Variants in NCKAP5 observed in about 807,000 individuals in gnomAD.
NCKAP5 encodes nck-associated protein 5.
A neutral mutation model predicts 167.0 loss-of-function variants in NCKAP5; 92 were observed. That is an observed-to-expected ratio of 0.55 (90% CI 0.47 to 0.66). NCKAP5 has a LOEUF of 0.66. Among genes scored for constraint, NCKAP5 ranks in the 30% least tolerant of loss-of-function variants. NCKAP5 has a pLI of 0.00. For synonymous variants in NCKAP5, 891 were observed against 877.4 expected, an observed-to-expected ratio of 1.02 and a Z score of -0.27; for missense variants, 2,378 against 2,315.0, an observed-to-expected ratio of 1.03 and a Z score of -0.56.
intron 2 of NCKAP5, among the ~76,000 whole-genome samples, chr2:133,540,956 G>GA (rs963923129): frequency 8.0e-5 from 11 of 137,656 alleles, no homozygotes; most frequent in African/African-American, 2.7e-5. Flanking sequence ...AAAAAAGAAA[G>GA]AAAAAAAATC....
Position 133,517,270 on chromosome 2 carries a change from C to T in NCKAP5, c.69+188G>A, listed in dbSNP as rs549896840. Among the ~76,000 whole-genome samples, 6 of 152,276 alleles carry T rather than the reference C, an allele frequency of 3.9e-5. No individual in the cohort carries two copies. In the East Asian group the frequency reaches 9.6e-4, roughly 24 times the overall value. On this transcript the variant is annotated intron_variant, in intron 3 of 19. Transcript: ENST00000409261. ...GACATTTGCCTATTAAGACACTATA[C>T]AAACATTCCAATAATTTGCTGGCTT...
At chr2:133,002,201 A>C (rs1179651225) in intron 6 of NCKAP5, among the ~76,000 whole-genome samples, 4 of 152,164 alleles carry the variant, frequency 2.6e-5, no homozygotes, top group African/African-American at 9.6e-5. Context: ...GTGATACAGT[A>C]GTCTTCTTAG....
At chr2:132,747,074 A>G (rs1292598574) in intron 16 of NCKAP5, among the ~76,000 whole-genome samples, 2 of 151,994 alleles carry the variant, frequency 1.3e-5, no homozygotes, top group Non-Finnish European at 2.9e-5. Context: ...TACATTTACA[A>G]AAACTTACTG....
intron 5 of NCKAP5, among the ~76,000 whole-genome samples, chr2:133,194,394 G>A (rs530229020): frequency 6.6e-6 from 1 of 151,898 alleles, no homozygotes; most frequent in East Asian, 1.9e-4. Context: ...CCACACATAC[G>A]GTAGGAACAA....
At chr2:132,891,919 T>C (rs1293993255) in intron 8 of NCKAP5, among the ~76,000 whole-genome samples, 1 of 152,180 alleles carries the variant, frequency 6.6e-6, no homozygotes, top group Non-Finnish European at 1.5e-5. Flanking sequence ...TCTGTCACTG[T>C]TTTGGGTTGA....
chr2:132,979,212 A>T (rs2077059702), intron 7 of NCKAP5, among the ~76,000 whole-genome samples: 1 of 152,200 alleles, frequency 6.6e-6, no homozygotes, highest in Non-Finnish European at 1.5e-5. Flanking sequence ...GTTAGCAGGC[A>T]CCACTAACTA....
intron 9 of NCKAP5, among the ~76,000 whole-genome samples, chr2:132,872,755 A>C (rs1473389875): frequency 6.6e-6 from 1 of 152,208 alleles, no homozygotes; most frequent in African/African-American, 2.4e-5. Context: ...TGTGTTTTTG[A>C]AAATGTGCTT....
At chr2:133,654,543 G>T in the NCKAP5 span, among the ~76,000 whole-genome samples, 1 of 152,094 alleles carries the variant, frequency 6.6e-6, no homozygotes, top group African/African-American at 2.4e-5. Context: ...TCCATCCTTT[G>T]GCTCTCTCTG....
intron 18 of NCKAP5, among the ~76,000 whole-genome samples, chr2:132,726,168 C>T (rs1299415364): frequency 6.6e-6 from 1 of 152,176 alleles, no homozygotes. Flanking sequence ...TCATTGCCTT[C>T]CAAGTATCAG....
chr2:133,538,160 C>A (rs1388150284), intron 2 of NCKAP5, among the ~76,000 whole-genome samples: 1 of 152,158 alleles, frequency 6.6e-6, no homozygotes, highest in Non-Finnish European at 1.5e-5. Context: ...CCATGCAAAC[C>A]CTTTTGAAGG....
intron 6 of NCKAP5, among the ~76,000 whole-genome samples, chr2:132,995,940 C>T (rs1326075338): frequency 6.6e-6 from 1 of 152,142 alleles, no homozygotes; most frequent in Non-Finnish European, 1.5e-5. Flanking sequence ...TGCCACTGCA[C>T]TCCAGCCTGG....
intron 3 of NCKAP5, among the ~76,000 whole-genome samples, chr2:133,505,376 T>C (rs1465386875): frequency 6.6e-6 from 1 of 152,048 alleles, no homozygotes; most frequent in Admixed American, 6.6e-5. Flanking sequence ...AAACATCATA[T>C]ATATATATAT....
At chr2:132,954,979 C>T (rs1360805532) in intron 8 of NCKAP5, among the ~76,000 whole-genome samples, 2 of 152,088 alleles carry the variant, frequency 1.3e-5, no homozygotes, top group Non-Finnish European at 2.9e-5. Flanking sequence ...GTAAAACAAT[C>T]AAGAGAAAGA....
rs368416166 is a variant in NCKAP5, at chr2:133,016,589, G to A, written c.342-22350C>T. Among the ~76,000 whole-genome samples, 107 of 152,328 alleles carry A rather than the reference G, an allele frequency of 7.0e-4. 2 individuals carry two copies. Among genetic ancestry groups the A allele is most frequent in the Admixed American group, 5.6e-3 (86 of 15,302 alleles). On this transcript the variant is annotated intron_variant, in intron 6 of 19. Coordinates refer to ENST00000409261, the MANE Select transcript of NCKAP5 (RefSeq NM_207363.3). ...TAGTGTTAATGCTATAGAAGAAAGCGCGGTCTGACGGCTATCTAAAATGAA... is the reference window on the plus strand; with the variant it reads ...TAGTGTTAATGCTATAGAAGAAAGCACGGTCTGACGGCTATCTAAAATGAA...
the NCKAP5 span, among the ~76,000 whole-genome samples, chr2:133,576,105 G>C: frequency 6.6e-6 from 1 of 152,110 alleles, no homozygotes; most frequent in Non-Finnish European, 1.5e-5. Context: ...TAGATTTGAC[G>C]CAACTTGGGC....
At chr2:133,316,645 C>A (rs952691374) in intron 3 of NCKAP5, among the ~76,000 whole-genome samples, 4 of 152,176 alleles carry the variant, frequency 2.6e-5, no homozygotes, top group African/African-American at 9.6e-5. Flanking sequence ...TACTTATGGG[C>A]ACTGAACATA....
At chr2:132,942,620 T>C (rs1345651680) in intron 8 of NCKAP5, among the ~76,000 whole-genome samples, 1 of 152,226 alleles carries the variant, frequency 6.6e-6, no homozygotes, top group Non-Finnish European at 1.5e-5. Flanking sequence ...AATGATGTGC[T>C]TTAAAGGTGG....
intron 3 of NCKAP5, among the ~76,000 whole-genome samples, chr2:133,512,476 T>A (rs1432460344): frequency 6.6e-6 from 1 of 152,192 alleles, no homozygotes; most frequent in Non-Finnish European, 1.5e-5. Context: ...AGTGTTTTTG[T>A]AAATAAAATA....
intron 11 of NCKAP5, among the ~76,000 whole-genome samples, chr2:132,851,624 C>G (rs1689087097): frequency 6.6e-6 from 1 of 152,140 alleles, no homozygotes; most frequent in Admixed American, 6.5e-5. Context: ...GCTAAGAGAC[C>G]CTGGATGCGT....
Sources: allele counts gnomAD v4.1 joint callset (sites outside exome capture counted in the v4.1 genomes callset), GRCh38; gene constraint gnomAD v4.1.1; transcripts MANE v1.5; gene names NCBI Gene and HGNC (gene_info 2026-07-23, HGNC 2026-07-21).